The following ACAD9 variants were observed in gnomAD, a reference collection of about 807,000 sequenced individuals.
The protein encoded by ACAD9 is complex I assembly factor ACAD9, mitochondrial.
A neutral mutation model predicts 70.2 loss-of-function variants in ACAD9; 53 were observed. The observed-to-expected ratio is 0.75, with a 90% confidence interval of 0.61 to 0.95. The LOEUF is 0.95. Ranked by LOEUF, ACAD9 falls within the 40% of genes least tolerant of loss-of-function variation. ACAD9 has a pLI of 0.00. For synonymous variants in ACAD9, 313 were observed against 312.1 expected (o/e 1.00, Z -0.03); for missense variants, 777 against 802.8 (o/e 0.97, Z 0.39).
chr3:128,905,456 AAT>A (rs765026323), intron 11 of ACAD9, among the ~76,000 whole-genome samples: 10 of 152,230 alleles, frequency 6.6e-5, no homozygotes, highest in Non-Finnish European at 1.2e-4. Context: ...TCTTGAGAGA[AAT>A]AGTGAGAGGT....
intron 2 of ACAD9, among the ~76,000 whole-genome samples, chr3:128,887,644 A>T (rs865979453): frequency 1.4e-4 from 18 of 133,114 alleles, no homozygotes; most frequent in South Asian, 7.7e-4. Flanking sequence ...AAAATAAATA[A>T]ATATATATAT....
chr3:128,885,060 A>G (rs758998844), intron 2 of ACAD9, among the ~76,000 whole-genome samples: 2 of 152,274 alleles, frequency 1.3e-5, no homozygotes, highest in Non-Finnish European at 2.9e-5. Context: ...CACACACCAT[A>G]CAAGCCCATG....
At chr3:128,897,284 C>T (rs189538887) in intron 5 of ACAD9, among the ~76,000 whole-genome samples, 26 of 152,144 alleles carry the variant, frequency 1.7e-4, no homozygotes, top group Admixed American at 6.5e-4. Context: ...CGCCTTCAAG[C>T]GATTCTTCTG....
intron 2 of ACAD9, among the ~76,000 whole-genome samples, chr3:128,889,708 T>G (rs1935362055): frequency 6.6e-6 from 1 of 152,278 alleles, no homozygotes; most frequent in Non-Finnish European, 1.5e-5. Flanking sequence ...TGAGTCATAT[T>G]TCTTTCTATG....
intron 15 of ACAD9, 155 bp downstream of exon 15, chr3:128,909,576 G>T: frequency 1.2e-6 from 1 of 812,118 alleles, no homozygotes; most frequent in Non-Finnish European, 2.0e-6. Flanking sequence ...GGCTGACTTT[G>T]TCAGCCTGGG....
At chr3:128,903,160 C>T (rs1005575170) in intron 9 of ACAD9, among the ~76,000 whole-genome samples, 2 of 152,168 alleles carry the variant, frequency 1.3e-5, no homozygotes, top group African/African-American at 2.4e-5. Context: ...GAACTTAGAA[C>T]AGCCCTGTAA....
chr3:128,899,381 C>T lies in ACAD9; in HGVS notation c.728C>T (p.Thr243Ile). 1 of 1,614,278 alleles carries T rather than the reference C, an allele frequency of 6.2e-7. No homozygotes were observed. Among genetic ancestry groups the T allele is most frequent in the Non-Finnish European group, 8.5e-7 (1 of 1,180,052 alleles). ...GATGGATCAGTGAAAGACAAAATCA[C>T]AGCATTCATAGTAGAAAGAGACTTT... is the stretch of plus-strand genomic sequence containing the variant. The part of the protein sequence containing the change: ...DSDGSVKDKI[T>I]AFIVERDFGG... The change falls in exon 7 of 18, where the codon ACA (threonine) becomes ATA (isoleucine). Residue 243 changes from threonine (T) to isoleucine (I), a missense_variant. By Grantham distance (89) the Thr-to-Ile change is moderately conservative. Coordinates refer to ENST00000308982, the MANE Select transcript of ACAD9 (RefSeq NM_014049.5).
At position 128,893,589 on chromosome 3, in the gene ACAD9, C is replaced by T. The variant is rs1288636238; in HGVS notation, c.279C>T (p.Ile93=). Residue 93 remains isoleucine (I), a synonymous_variant, in exon 3 of 18, where the codon ATC becomes ATT. Transcript: ENST00000308982. The stretch of plus-strand genomic sequence containing the variant: ...GAAAAATTGACCAGGAAGGGAAAAT[C>T]CCAGATGAAACTTTGGAGAAATTGA... ...DSRKIDQEGK[I]PDETLEKLKS... 7 of 1,614,130 alleles carry T rather than the reference C, an allele frequency of 4.3e-6. No homozygotes were observed. In the South Asian group the frequency reaches 7.7e-5, roughly 18 times the overall value.
At chr3:128,912,055 CCA>C (rs1166017745) in intron 17 of ACAD9, among the ~76,000 whole-genome samples, 4 of 152,204 alleles carry the variant, frequency 2.6e-5, no homozygotes, top group Non-Finnish European at 5.9e-5. Context: ...CCCACAAAGC[CCA>C]GTCGTGTTGC....
Position 128,906,565 on chromosome 3 carries a change from C to T in ACAD9, c.1278+316C>T, listed in dbSNP as rs1006085859. Among the ~76,000 whole-genome samples, 75 of 152,238 alleles carry T rather than the reference C, an allele frequency of 4.9e-4. 1 individual carries two copies. Among genetic ancestry groups the T allele is most frequent in the Middle Eastern group, 6.8e-3 (2 of 294 alleles). On this transcript the variant is annotated intron_variant, in intron 12 of 17. Coordinates refer to ENST00000308982, the MANE Select transcript of ACAD9 (RefSeq NM_014049.5). Reference sequence around the variant, plus strand: ...TGACAGAGTGTAAAGAGGCAGGGAGCGGGCATCCTCCAGAGGCAGCCAGAG... The same window carrying T: ...TGACAGAGTGTAAAGAGGCAGGGAGTGGGCATCCTCCAGAGGCAGCCAGAG...
chr3:128,896,617 G>A lies in ACAD9; in HGVS notation c.554+81G>A. The stretch of plus-strand genomic sequence containing the variant: ...ACTGGGGCAAGGGGCTGTTGGTTTT[G>A]TTGAGTAGCTGACTTTTCCTTCTTT... On this transcript the variant is annotated intron_variant, in intron 5 of 17. Transcript: ENST00000308982. 2.9e-6 allele frequency: 4 copies of A among 1,396,232 alleles called. No individual in the cohort carries two copies. In the South Asian group the frequency reaches 3.6e-5, roughly 12 times the overall value. The allele number at this position is 1,396,232 out of a possible 1,614,324, so 86.5% of individuals were successfully genotyped here.
rs768960254 is a variant in ACAD9 at position 128,906,230 on chromosome 3, G to T, written c.1259G>T (p.Arg420Leu). The change falls in exon 12 of 18, where the codon CGC becomes CTC. Residue 420 changes from arginine (R) to leucine (L), a missense_variant. Physicochemically the swap from Arg to Leu is moderately radical, Grantham distance 102. Coordinates refer to ENST00000308982, the MANE Select transcript of ACAD9 (RefSeq NM_014049.5). ...TACGAGCGCATACTGCGTGACACCC[G>T]CATCCTCCTCATCTTCGAGGTGAGT... The part of the protein sequence containing the change: ...YPYERILRDT[R>L]ILLIFEGTNE... 4 of 1,614,122 alleles carry T rather than the reference G, an allele frequency of 2.5e-6. No individual in the cohort carries two copies. In the South Asian group the frequency reaches 3.3e-5, roughly 13 times the overall value.
In ACAD9 at chr3:128,901,268, T is replaced by C. The variant is rs776761573; in HGVS notation, c.809-8T>C. On this transcript the variant is annotated splice_region_variant and splice_polypyrimidine_tract_variant and intron_variant, in intron 7 of 17. Transcript: ENST00000308982. ...GTCAGATGATATCTTAAATTTCATG[T>C]GTTTCAGCTTGTGAAGTCCATTTTG... The C allele has an allele frequency of 1.2e-6, 2 of 1,613,808 alleles. No individual in the cohort carries two copies. The highest frequency in any genetic ancestry group is 2.2e-5 in the East Asian group (1 of 44,894).
Position 128,902,589 on chromosome 3 carries a change from A to G in ACAD9, c.919A>G (p.Met307Val), listed in dbSNP as rs143131090. ...MNILNSGRFS[M>V]GSVVAGLLKR... ...CATCCTCAACAGCGGCCGGTTCAGCATGGGCAGCGTCGTGGCTGGGCTGCT... is the reference window on the plus strand; with the variant it reads ...CATCCTCAACAGCGGCCGGTTCAGCGTGGGCAGCGTCGTGGCTGGGCTGCT... Residue 307 changes from methionine to valine, a missense_variant, in exon 9 of 18, where the codon ATG (methionine) becomes GTG (valine). Coordinates refer to ENST00000308982, the MANE Select transcript of ACAD9 (RefSeq NM_014049.5). This position sits in a 1 kb window ranked among gnomAD's most constrained non-coding sequence, Gnocchi z 4.0. The G allele has an allele frequency of 1.5e-5, 25 of 1,614,158 alleles. No individual in the cohort carries two copies. Among genetic ancestry groups the G allele is most frequent in the Non-Finnish European group, 8.5e-6 (10 of 1,180,010 alleles).
At chr3:128,892,345 A>T (rs1347212190) in intron 2 of ACAD9, among the ~76,000 whole-genome samples, 1 of 152,200 alleles carries the variant, frequency 6.6e-6, no homozygotes, top group Non-Finnish European at 1.5e-5. Flanking sequence ...GGGAATCTGT[A>T]GTTCTCTTAG....
rs371199008 is a variant in ACAD9, at chr3:128,879,721, C to G, written c.30C>G (p.Thr10=). The change falls in exon 1 of 18, where the codon ACC becomes ACG. Residue 10 remains threonine, a synonymous_variant. Transcript: ENST00000308982. ...GCGGCTGCGGGCTCTTCCTGCGCAC[C>G]ACGGCTGCGGCTCGTGCCTGCCGGG... MSGCGLFLR[T]TAAARACRGL... 4 of 1,612,958 alleles carry G rather than the reference C, an allele frequency of 2.5e-6. No homozygotes were observed. The highest frequency in any genetic ancestry group is 3.4e-6 in the Non-Finnish European group (4 of 1,179,934).
intron 10 of ACAD9, 52 bp downstream of exon 10, chr3:128,904,184 G>A: frequency 6.3e-7 from 1 of 1,599,658 alleles, no homozygotes; most frequent in Non-Finnish European, 8.6e-7. Context: ...GACATGAACG[G>A]TGTGTTCTTT....
chr3:128,898,057 A>G (rs1055546428), intron 6 of ACAD9, among the ~76,000 whole-genome samples: 3 of 152,142 alleles, frequency 2.0e-5, no homozygotes, highest in African/African-American at 7.2e-5. Context: ...GAGTTTCACC[A>G]TGTTGTCCAG....
chr3:128,908,417 G>C, intron 13 of ACAD9, 153 bp downstream of exon 13: 1 of 897,548 alleles, frequency 1.1e-6, no homozygotes, highest in South Asian at 1.4e-5. Flanking sequence ...CTGTGGTAGT[G>C]GGGGGCTTGC....
Sources: allele counts gnomAD v4.1 joint callset (sites outside exome capture counted in the v4.1 genomes callset), GRCh38; gene constraint gnomAD v4.1.1; non-coding constraint Gnocchi (gnomAD v3.1); transcripts MANE v1.5; gene names NCBI Gene and HGNC (gene_info 2026-07-23, HGNC 2026-07-21).